MAP2K5: variants seen among roughly 807,000 people sequenced by gnomAD.
MAP2K5 encodes mitogen-activated protein kinase kinase 5, also known as dual specificity mitogen-activated protein kinase kinase 5.
MAP2K5 carries 49 observed loss-of-function variants against 83.1 expected under a neutral mutation model. The observed-to-expected ratio is 0.59, with a 90% confidence interval of 0.47 to 0.75. The LOEUF is 0.75. MAP2K5 is among the 30% of genes least tolerant of loss of function. The pLI is 0.00. For missense variants in MAP2K5, 457 were observed against 557.5 expected, an observed-to-expected ratio of 0.82 and a Z score of 1.82; for synonymous variants, 202 against 191.8, an observed-to-expected ratio of 1.05 and a Z score of -0.44.
chr15:67,639,354 A>G (rs1213493985), intron 9 of MAP2K5, among the ~76,000 whole-genome samples: 1 of 152,242 alleles, frequency 6.6e-6, no homozygotes. Flanking sequence ...CCATTTATTG[A>G]TGATTTATAC....
chr15:67,672,830 A>G (rs2087577736), intron 13 of MAP2K5, among the ~76,000 whole-genome samples: 1 of 150,464 alleles, frequency 6.6e-6, no homozygotes, highest in African/African-American at 2.5e-5. Flanking sequence ...TCTTGAATTA[A>G]TTTTTGTATA....
At chr15:67,681,874 A>G (rs939822363) in intron 13 of MAP2K5, among the ~76,000 whole-genome samples, 5 of 152,322 alleles carry the variant, frequency 3.3e-5, no homozygotes, top group Admixed American at 1.3e-4. Context: ...GCCTTCAATA[A>G]AACTAATTGA....
chr15:67,567,775 ATG>A (rs2084871673), intron 3 of MAP2K5, among the ~76,000 whole-genome samples: 1 of 152,132 alleles, frequency 6.6e-6, no homozygotes, highest in Non-Finnish European at 1.5e-5. Flanking sequence ...TATTCCCTTA[ATG>A]TAGTTTAAAT....
rs1436398966 is a variant in MAP2K5 at position 67,790,646 on chromosome 15, G to A, written c.1243-16000G>A. Among the ~76,000 whole-genome samples the A allele has an allele frequency of 6.6e-6, 1 of 152,030 alleles. No homozygotes were observed. Among genetic ancestry groups the A allele is most frequent in the Admixed American group, 6.6e-5 (1 of 15,260 alleles). On this transcript the variant is annotated intron_variant, in intron 21 of 21. Transcript: ENST00000178640. This position sits in a 1 kb window ranked among gnomAD's most constrained non-coding sequence, Gnocchi z 4.6. The stretch of plus-strand genomic sequence containing the variant: ...TCAGAGGAGGGGCTGCTTACTGAGT[G>A]GTGAGGGTCTTTAAGATGTGGAGAG...
rs2090107245 is a variant in MAP2K5 at position 67,769,761 on chromosome 15, T to C, written c.1196+98T>C. ...ACCTTATGGCTCTCCCTGCATCCTT[T>C]TGGAGACAGGAGGGACTTCGGGGCC... On this transcript the variant is annotated intron_variant, in intron 20 of 21. Coordinates refer to ENST00000178640, the MANE Select transcript of MAP2K5 (RefSeq NM_145160.3). The surrounding 1 kb of genome is among the most constrained non-coding windows in gnomAD (Gnocchi z 5.2). 2 of 1,237,528 alleles carry C rather than the reference T, an allele frequency of 1.6e-6. No individual in the cohort carries two copies. Among genetic ancestry groups the C allele is most frequent in the Non-Finnish European group, 2.3e-6 (2 of 853,150 alleles). 76.7% of individuals were successfully genotyped at this position (1,237,528 alleles called of 1,614,324 possible).
In MAP2K5 at chr15:67,764,914, A is replaced by T. The variant is rs930746261; in HGVS notation, c.1135-4688A>T. On this transcript the variant is annotated intron_variant, in intron 19 of 21. Coordinates refer to ENST00000178640, the MANE Select transcript of MAP2K5 (RefSeq NM_145160.3). The surrounding 1 kb of genome is among the most constrained non-coding windows in gnomAD (Gnocchi z 4.9). ...CTGCTAAGAATCTAGGCCTCATCTA[A>T]TTGTTTAAAAATAGTCCCTATCCCT... Among the ~76,000 whole-genome samples the T allele has an allele frequency of 3.3e-5, 5 of 152,192 alleles. No homozygotes were observed. Among genetic ancestry groups the T allele is most frequent in the Admixed American group, 1.3e-4 (2 of 15,284 alleles).
At chr15:67,653,057 T>C (rs1479099169) in intron 11 of MAP2K5, among the ~76,000 whole-genome samples, 3 of 152,204 alleles carry the variant, frequency 2.0e-5, no homozygotes, top group Admixed American at 2.0e-4. Context: ...ATTTTTTATT[T>C]TTTCTTGAGT....
At chr15:67,598,537 C>T (rs959044861) in intron 7 of MAP2K5, among the ~76,000 whole-genome samples, 5 of 152,300 alleles carry the variant, frequency 3.3e-5, no homozygotes, top group South Asian at 2.1e-4. Flanking sequence ...ACTCCTTCCC[C>T]GCCTGTGCCC....
intron 8 of MAP2K5, among the ~76,000 whole-genome samples, chr15:67,602,670 T>G (rs1333490409): frequency 1.3e-5 from 2 of 152,212 alleles, no homozygotes; most frequent in African/African-American, 2.4e-5. Flanking sequence ...TTGGTTGGTT[T>G]GTTTATTTTG....
rs2090499636 is a variant in MAP2K5, at chr15:67,790,655, C to CT, written c.1243-15988dup. On this transcript the variant is annotated intron_variant, in intron 21 of 21. Transcript: ENST00000178640. The surrounding 1 kb of genome is among the most constrained non-coding windows in gnomAD (Gnocchi z 4.6). The stretch of plus-strand genomic sequence containing the variant: ...GGGCTGCTTACTGAGTGGTGAGGGT[C>CT]TTTAAGATGTGGAGAGCAGCCTTTA... Among the ~76,000 whole-genome samples the CT allele has an allele frequency of 6.6e-6, 1 of 151,452 alleles. No individual in the cohort carries two copies. The highest frequency in any genetic ancestry group is 2.4e-5 in the African/African-American group (1 of 41,104).
At chr15:67,663,170 T>C (rs1297992983) in intron 12 of MAP2K5, among the ~76,000 whole-genome samples, 1 of 152,236 alleles carries the variant, frequency 6.6e-6, no homozygotes, top group Non-Finnish European at 1.5e-5. Flanking sequence ...ACAAACACAT[T>C]ATCTTACATA....
At position 67,748,353 on chromosome 15, in the gene MAP2K5, T is replaced by A. The variant is rs916107869; in HGVS notation, c.1101+96T>A. On this transcript the variant is annotated intron_variant, in intron 18 of 21. Coordinates refer to ENST00000178640, the MANE Select transcript of MAP2K5 (RefSeq NM_145160.3). This position sits in a 1 kb window ranked among gnomAD's most constrained non-coding sequence, Gnocchi z 4.0. ...ATGCCTTGTTTTAAACTTAGCAAAT[T>A]GCATTTTGAAGAAAATGCAAACCTT... 14 of 1,149,572 alleles carry A rather than the reference T, an allele frequency of 1.2e-5. No homozygotes were observed. The highest frequency in any genetic ancestry group is 1.8e-5 in the Non-Finnish European group (14 of 774,898). 71.2% of individuals were successfully genotyped at this position (1,149,572 alleles called of 1,614,324 possible).
chr15:67,545,134 T>C (rs2084366178), intron 1 of MAP2K5, among the ~76,000 whole-genome samples: 1 of 152,176 alleles, frequency 6.6e-6, no homozygotes, highest in African/African-American at 2.4e-5. Context: ...CACCGGTCAA[T>C]TCCCACCTGT....
intron 8 of MAP2K5, among the ~76,000 whole-genome samples, chr15:67,627,484 A>T (rs12915850): frequency 0.69 from 104,477 of 152,102 alleles, 36,741 homozygotes; most frequent in Middle Eastern, 0.8. Context: ...CCACTCAAGT[A>T]GGAAAAGCAA....
Position 67,646,276 on chromosome 15 carries a change from T to C in MAP2K5, c.631T>C (p.Ser211Pro). 2.1e-6 allele frequency: 3 copies of C among 1,452,276 alleles called. No individual in the cohort carries two copies. The highest frequency in any genetic ancestry group is 2.9e-6 in the Non-Finnish European group (3 of 1,044,322). The allele number at this position is 1,452,276 out of a possible 1,614,324, so 90.0% of individuals were successfully genotyped here. A position where few individuals can be genotyped will look rare whatever the true frequency, so the allele number is the denominator to read the frequency against. Residue 211 changes from serine (S) to proline (P), a missense_variant, in exon 10 of 22, where the codon TCT (serine) becomes CCT (proline). Physicochemically the swap from Ser to Pro is moderately conservative, Grantham distance 74. Coordinates refer to ENST00000178640, the MANE Select transcript of MAP2K5 (RefSeq NM_145160.3). ...ACTGGAACTTCAGAAGCAAATTATG[T>C]CTGAATTGGAAATTCTTTATAAGGT... ...ITLELQKQIM[S>P]ELEILYKCDS...
At position 67,629,091 on chromosome 15, in the gene MAP2K5, G is replaced by A. The variant is rs1036791340; in HGVS notation, c.546-1797G>A. On this transcript the variant is annotated intron_variant, in intron 8 of 21. Transcript: ENST00000178640. ...ACCATGAAACCAAGGTGGCCATGGC[G>A]GTTCCAGTAGCAGCAGTAGCTACGG... is the stretch of plus-strand genomic sequence containing the variant. 1.1e-4 allele frequency: 84 copies of A among 735,584 alleles called. 1 individual carries two copies. Among genetic ancestry groups the A allele is most frequent in the Middle Eastern group, 3.8e-4 (1 of 2,654 alleles). The allele number at this position is 735,584 out of a possible 1,614,324, so 45.6% of individuals were successfully genotyped here.
intron 4 of MAP2K5, among the ~76,000 whole-genome samples, chr15:67,583,080 A>T (rs1335106043): frequency 6.6e-6 from 1 of 152,128 alleles, no homozygotes; most frequent in Non-Finnish European, 1.5e-5. Context: ...AATCCTCCTG[A>T]TAGTTCTGCC....
intron 13 of MAP2K5, among the ~76,000 whole-genome samples, 200 bp from the exon 14 acceptor site, chr15:67,692,279 G>A (rs550994011): frequency 1.3e-5 from 2 of 152,126 alleles, no homozygotes; most frequent in African/African-American, 2.4e-5. Flanking sequence ...ACCAGAAATC[G>A]TTGAACGTGG....
At position 67,543,254 on chromosome 15, in the gene MAP2K5, C is replaced by A; in HGVS notation, c.-82C>A. ...CCCTCTGTCCTCTGCCCGTCACTCC[C>A]CTTGTCACCTCTTGGAGCCCCCTCC... is the stretch of plus-strand genomic sequence containing the variant. On this transcript the variant is annotated 5_prime_UTR_variant, in exon 1 of 22. Transcript: ENST00000178640. The surrounding 1 kb of genome is among the most constrained non-coding windows in gnomAD (Gnocchi z 4.3). 1 of 1,453,450 alleles carries A rather than the reference C, an allele frequency of 6.9e-7. No homozygotes were observed. Among genetic ancestry groups the A allele is most frequent in the South Asian group, 1.2e-5 (1 of 84,398 alleles). 90.0% of individuals were successfully genotyped at this position (1,453,450 alleles called of 1,614,324 possible).
Sources: gnomAD v4.1 joint callset for allele counts (sites outside exome capture counted in the v4.1 genomes callset) on GRCh38, gnomAD v4.1.1 for gene constraint, Gnocchi (gnomAD v3.1) non-coding constraint, MANE v1.5 for transcripts, NCBI Gene and HGNC (gene_info 2026-07-23, HGNC 2026-07-21) for gene names.